Variants in KCNIP1 observed in about 807,000 individuals in gnomAD.
KCNIP1 encodes the protein A-type potassium channel modulatory protein KCNIP1.
KCNIP1 carries 18 observed loss-of-function variants against 33.0 expected under a neutral mutation model. The ratio of observed to expected loss-of-function variants is 0.55; its 90% confidence interval spans 0.38 to 0.81. The LOEUF is 0.81. Among genes scored for constraint, KCNIP1 ranks in the 30% least tolerant of loss-of-function variants. The pLI, the probability that KCNIP1 is intolerant of heterozygous loss-of-function variation, is 0.00. For synonymous variants in KCNIP1, 93 were observed against 98.3 expected (o/e 0.95, Z 0.32); for missense variants, 238 against 271.6 (o/e 0.88, Z 0.87).
At chr5:170,394,598 T>C (rs1380201397) in intron 1 of KCNIP1, among the ~76,000 whole-genome samples, 1 of 152,240 alleles carries the variant, frequency 6.6e-6, no homozygotes, top group Non-Finnish European at 1.5e-5. Context: ...ACACTTTTCT[T>C]TCTTGAATTT....
chr5:170,667,823 A>G (rs976234739), intron 1 of KCNIP1, among the ~76,000 whole-genome samples: 11 of 152,214 alleles, frequency 7.2e-5, no homozygotes, highest in Admixed American at 6.5e-4. Flanking sequence ...GCCAATTAAT[A>G]TTACTCGAGT....
At chr5:170,667,126 A>G (rs959621900) in intron 1 of KCNIP1, among the ~76,000 whole-genome samples, 4 of 152,126 alleles carry the variant, frequency 2.6e-5, no homozygotes. Context: ...GGCCTGACCA[A>G]TGTTGGAGAA....
chr5:170,450,033 G>A (rs1252628084), intron 1 of KCNIP1, among the ~76,000 whole-genome samples: 1 of 152,192 alleles, frequency 6.6e-6, no homozygotes, highest in African/African-American at 2.4e-5. Context: ...ATCTAGATAA[G>A]TTAGTTTACT....
chr5:170,501,392 C>A (rs1757409473), upstream of KCNIP1, among the ~76,000 whole-genome samples: 2 of 152,068 alleles, frequency 1.3e-5, no homozygotes, highest in Non-Finnish European at 2.9e-5. Context: ...AAAGGGAACA[C>A]CAGGGGTCAG....
At chr5:170,581,690 C>G (rs6881347) in intron 1 of KCNIP1, among the ~76,000 whole-genome samples, 10,564 of 152,232 alleles carry the variant, frequency 0.069, 512 homozygotes, top group African/African-American at 0.13. Context: ...GTTGTAGTAC[C>G]TCACTTATTA....
chr5:170,584,710 G>A (rs1030565450), intron 1 of KCNIP1, among the ~76,000 whole-genome samples: 3 of 152,152 alleles, frequency 2.0e-5, no homozygotes, highest in Non-Finnish European at 4.4e-5. Flanking sequence ...TGGCAGAGGG[G>A]ACTCTTTTCC....
At chr5:170,535,177 C>T (rs1417225574) in intron 1 of KCNIP1, among the ~76,000 whole-genome samples, 3 of 152,148 alleles carry the variant, frequency 2.0e-5, no homozygotes, top group African/African-American at 7.2e-5. Context: ...CTCACCCCCA[C>T]TGACAGGTCA....
intron 1 of KCNIP1, among the ~76,000 whole-genome samples, chr5:170,646,510 A>G (rs1360876639): frequency 6.6e-6 from 1 of 152,208 alleles, no homozygotes; most frequent in Non-Finnish European, 1.5e-5. Context: ...ATATAAACAG[A>G]TGTGGAAAAA....
At chr5:170,437,333 T>C (rs929374563) in intron 1 of KCNIP1, among the ~76,000 whole-genome samples, 7 of 152,194 alleles carry the variant, frequency 4.6e-5, no homozygotes, top group African/African-American at 1.7e-4. Flanking sequence ...CCTTCTTCTG[T>C]GGTTTTCTCA....
At chr5:170,672,642 A>T (rs965096648) in intron 1 of KCNIP1, among the ~76,000 whole-genome samples, 9 of 152,278 alleles carry the variant, frequency 5.9e-5, no homozygotes, top group Non-Finnish European at 1.2e-4. Flanking sequence ...CACCAGTGTA[A>T]TTTAGCCTCG....
chr5:170,699,024 C>T (rs557084169), intron 1 of KCNIP1, among the ~76,000 whole-genome samples: 1 of 152,286 alleles, frequency 6.6e-6, no homozygotes, highest in African/African-American at 2.4e-5. Context: ...GGGCTCCACC[C>T]CTTCCACATC....
intron 1 of KCNIP1, among the ~76,000 whole-genome samples, chr5:170,641,168 T>C (rs1461330612): frequency 6.6e-6 from 1 of 152,220 alleles, no homozygotes; most frequent in Non-Finnish European, 1.5e-5. Context: ...TTTGGGACCC[T>C]CTGCCCGCTG....
chr5:170,588,996 C>CTTT lies in KCNIP1; in HGVS notation c.61+84381_61+84383dup, dbSNP rs67130531. Among the ~76,000 whole-genome samples, 631 of 117,360 alleles carry CTTT rather than the reference C, an allele frequency of 5.4e-3. 16 individuals carry two copies. The highest frequency in any genetic ancestry group is 0.018 in the African/African-American group (557 of 31,110). 77.0% of individuals were successfully genotyped at this position (117,360 alleles called of 152,430 possible). On this transcript the variant is annotated intron_variant, in intron 1 of 7. Coordinates refer to ENST00000328939, the MANE Select transcript of KCNIP1 (RefSeq NM_014592.4). Reference sequence around the variant, plus strand: ...GGATAAAATGAGCTCATACTTACTTCTTTTTTTTTTTTTTTTTTTTGAGAC... The same window carrying CTTT: ...GGATAAAATGAGCTCATACTTACTTCTTTTTTTTTTTTTTTTTTTTTTTGAGAC...
At chr5:170,699,784 C>T (rs1272933705) in intron 1 of KCNIP1, among the ~76,000 whole-genome samples, 1 of 152,028 alleles carries the variant, frequency 6.6e-6, no homozygotes, top group African/African-American at 2.4e-5. Context: ...CTTCCCATGA[C>T]TTGTAGGGAG....
chr5:170,544,600 T>C (rs1321370597), intron 1 of KCNIP1, among the ~76,000 whole-genome samples: 1 of 152,156 alleles, frequency 6.6e-6, no homozygotes, highest in Non-Finnish European at 1.5e-5. Context: ...CTATTTGTAC[T>C]ATCTCTTCTT....
intron 1 of KCNIP1, among the ~76,000 whole-genome samples, chr5:170,421,411 G>A (rs1041120743): frequency 1.3e-5 from 2 of 152,042 alleles, no homozygotes; most frequent in Non-Finnish European, 2.9e-5. Context: ...CTTCTGTCTT[G>A]GCCCATTATG....
At chr5:170,416,908 C>T (rs1278953051) in intron 1 of KCNIP1, among the ~76,000 whole-genome samples, 2 of 152,162 alleles carry the variant, frequency 1.3e-5, no homozygotes, top group African/African-American at 4.8e-5. Flanking sequence ...AGAAATCCAC[C>T]CTTTAACTCT....
intron 1 of KCNIP1, among the ~76,000 whole-genome samples, chr5:170,464,507 G>A (rs554285262): frequency 2.0e-5 from 3 of 152,168 alleles, no homozygotes; most frequent in Non-Finnish European, 2.9e-5. Context: ...CAAAGCTATG[G>A]CAGTGAAAAC....
chr5:170,388,490 A>G (rs1245998148), intron 1 of KCNIP1, among the ~76,000 whole-genome samples: 2 of 152,230 alleles, frequency 1.3e-5, no homozygotes, highest in Non-Finnish European at 2.9e-5. Flanking sequence ...ATTTCTAAAT[A>G]TCTCTGAAGT....
Sources: gnomAD v4.1 joint callset for allele counts (sites outside exome capture counted in the v4.1 genomes callset) on GRCh38, gnomAD v4.1.1 for gene constraint, MANE v1.5 for transcripts, NCBI Gene and HGNC (gene_info 2026-07-23, HGNC 2026-07-21) for gene names.